Variants in NME9 observed in about 807,000 individuals in gnomAD.
NME9 encodes thioredoxin domain-containing protein 6.
NME9 carries 48 observed loss-of-function variants against 44.4 expected under a neutral mutation model. The ratio of observed to expected loss-of-function variants is 1.08; its 90% confidence interval spans 0.86 to 1.37. NME9 has a LOEUF of 1.37. Ranked by LOEUF, NME9 falls within the 40% of genes most tolerant of loss-of-function variation. NME9 has a pLI of 0.00. For missense variants in NME9, 325 were observed against 405.2 expected, an observed-to-expected ratio of 0.80 and a Z score of 1.70; for synonymous variants, 139 against 147.1, an observed-to-expected ratio of 0.94 and a Z score of 0.40.
intron 8 of NME9, among the ~76,000 whole-genome samples, chr3:138,265,749 A>G (rs1434964563): frequency 1.3e-5 from 2 of 152,218 alleles, no homozygotes; most frequent in African/African-American, 4.8e-5. Context: ...AATGAGACAT[A>G]CCAGTGGACA....
chr3:138,293,972 C>T (rs909127109), intron 8 of NME9, among the ~76,000 whole-genome samples: 1 of 152,094 alleles, frequency 6.6e-6, no homozygotes. Flanking sequence ...CAACCTGAGT[C>T]CATCTAAGAA....
At chr3:138,306,154 T>G (rs2052242969) in intron 7 of NME9, 58 bp from the exon 8 acceptor site, 1 of 1,255,386 alleles carries the variant, frequency 8.0e-7, no homozygotes, top group African/African-American at 1.5e-5. Context: ...TCACATTGAT[T>G]AATTAATTTA....
chr3:138,276,125 G>GT (rs1383042866), intron 8 of NME9, among the ~76,000 whole-genome samples: 1 of 152,128 alleles, frequency 6.6e-6, no homozygotes, highest in Non-Finnish European at 1.5e-5. Context: ...CAACAGTATT[G>GT]TTTTTGCAGG....
rs894042649 is a variant in NME9, at chr3:138,301,361, G to A, written c.*279C>T. On this transcript the variant is annotated 3_prime_UTR_variant, in exon 11 of 11. Transcript: ENST00000333911. ...CTGGATGACAGGTGCACACCACCAC[G>A]CCCGGCTAATTTTTTGTATTTTTAG... 2.4e-5 allele frequency: 11 copies of A among 467,780 alleles called. No individual in the cohort carries two copies. The highest frequency in any genetic ancestry group is 8.1e-5 in the African/African-American group (4 of 49,324). 29.0% of individuals were successfully genotyped at this position (467,780 alleles called of 1,614,324 possible). A position where few individuals can be genotyped will look rare whatever the true frequency, so the allele number is the denominator to read the frequency against.
chr3:138,275,815 C>A (rs1039089733), intron 8 of NME9, among the ~76,000 whole-genome samples: 5 of 152,120 alleles, frequency 3.3e-5, no homozygotes, highest in Non-Finnish European at 1.5e-5. Flanking sequence ...GATTTTAAGA[C>A]AGATATTTTA....
intron 8 of NME9, chr3:138,290,716 T>C: frequency 4.4e-6 from 4 of 902,398 alleles, no homozygotes; most frequent in Non-Finnish European, 6.9e-6. Context: ...TGCTTGGTAA[T>C]TAATGGCCAT....
chr3:138,286,765 C>T (rs891640944), intron 8 of NME9, among the ~76,000 whole-genome samples: 3 of 152,168 alleles, frequency 2.0e-5, no homozygotes, highest in African/African-American at 7.2e-5. Flanking sequence ...TCATCCACCC[C>T]CATAGCTTAT....
chr3:138,279,372 A>G (rs976011167), intron 8 of NME9, among the ~76,000 whole-genome samples: 2 of 152,182 alleles, frequency 1.3e-5, no homozygotes, highest in African/African-American at 4.8e-5. Context: ...TTCAAATGTT[A>G]AACTAACATA....
intron 8 of NME9, among the ~76,000 whole-genome samples, chr3:138,280,784 G>T (rs2049827558): frequency 6.6e-6 from 1 of 151,366 alleles, no homozygotes; most frequent in East Asian, 1.9e-4. Flanking sequence ...GAGCCACCAT[G>T]CCTGGCCAAC....
intron 8 of NME9, chr3:138,284,360 C>T: frequency 8.2e-7 from 1 of 1,226,592 alleles, no homozygotes; most frequent in South Asian, 1.2e-5. Flanking sequence ...AAAAATTGCC[C>T]AAGCTCTTGA....
intron 6 of NME9, among the ~76,000 whole-genome samples, chr3:138,311,141 A>G (rs1330612305): frequency 2.0e-5 from 3 of 152,172 alleles, no homozygotes; most frequent in Non-Finnish European, 4.4e-5. Flanking sequence ...TTGAAAACCT[A>G]AAAGAAATAG....
chr3:138,297,521 A>G (rs1388945407), downstream of NME9: 2 of 152,222 alleles, frequency 1.3e-5, no homozygotes, highest in African/African-American at 4.8e-5. Flanking sequence ...CAGCTGCCCT[A>G]TCACCACCCT....
Position 138,307,146 on chromosome 3 carries a change from A to C in NME9, c.461-666T>G, listed in dbSNP as rs149255320. Among the ~76,000 whole-genome samples the C allele has an allele frequency of 6.0e-3, 911 of 152,354 alleles. 5 individuals carry two copies. Among genetic ancestry groups the C allele is most frequent in the Non-Finnish European group, 0.01 (694 of 68,032 alleles). On this transcript the variant is annotated intron_variant, in intron 6 of 10. Coordinates refer to ENST00000333911, the MANE Select transcript of NME9 (RefSeq NM_001349018.2). ...TCTCCGTTCAAGTTCTCCTGAGAGAAGCCAGATTGCCCCACTCATTGGTTT... is the reference window on the plus strand; with the variant it reads ...TCTCCGTTCAAGTTCTCCTGAGAGACGCCAGATTGCCCCACTCATTGGTTT...
chr3:138,273,269 G>A (rs138638454), intron 8 of NME9, among the ~76,000 whole-genome samples: 1 of 152,300 alleles, frequency 6.6e-6, no homozygotes, highest in African/African-American at 2.4e-5. Context: ...GTCTAAACCT[G>A]TCACCTTCGT....
In NME9 at chr3:138,279,673, C is replaced by T. The variant is rs537512100; in HGVS notation, c.746-17087G>A. On this transcript the variant is annotated intron_variant, in intron 8 of 8. Coordinates refer to the NME9 transcript ENST00000317876. Reference sequence around the variant, plus strand: ...AGTTGGAATCATCTGGATACGATGACCGTTTTGTGGAAAGGTGTTTAACTA... The same window carrying T: ...AGTTGGAATCATCTGGATACGATGATCGTTTTGTGGAAAGGTGTTTAACTA... Among the ~76,000 whole-genome samples, 3 of 152,192 alleles carry T rather than the reference C, an allele frequency of 2.0e-5. No individual in the cohort carries two copies. In the South Asian group the frequency reaches 6.2e-4, roughly 32 times the overall value.
At chr3:138,267,920 A>G (rs1006222243) in intron 8 of NME9, among the ~76,000 whole-genome samples, 5 of 152,136 alleles carry the variant, frequency 3.3e-5, no homozygotes, top group African/African-American at 1.2e-4. Context: ...GTAGGCATTG[A>G]CTATAATTAA....
chr3:138,325,769 G>A (rs1298080935), intron 1 of NME9, among the ~76,000 whole-genome samples: 1 of 148,882 alleles, frequency 6.7e-6, no homozygotes, highest in Non-Finnish European at 1.5e-5. Flanking sequence ...TAGAGAAAGT[G>A]TGCAAGTACA....
chr3:138,327,674 C>G (rs1349345132), intron 1 of NME9, among the ~76,000 whole-genome samples: 3 of 152,058 alleles, frequency 2.0e-5, no homozygotes, highest in Non-Finnish European at 4.4e-5. Flanking sequence ...CTGGGTTGGC[C>G]AACTTTAGGC....
intron 8 of NME9, chr3:138,273,180 C>G: frequency 6.8e-7 from 1 of 1,477,616 alleles, no homozygotes; most frequent in Non-Finnish European, 9.2e-7. Context: ...AGACATTGCT[C>G]TCTCTCTGTG....
Sources: allele counts gnomAD v4.1 joint callset (sites outside exome capture counted in the v4.1 genomes callset), GRCh38; gene constraint gnomAD v4.1.1; transcripts MANE v1.5; gene names NCBI Gene and HGNC (gene_info 2026-07-23, HGNC 2026-07-21).